The following ADGRG1 variants were observed in gnomAD, a reference collection of about 807,000 sequenced individuals.
ADGRG1 encodes adhesion G protein-coupled receptor G1.
Under a neutral mutation model 73.5 loss-of-function variants are expected in ADGRG1, and 53 were observed. The ratio of observed to expected loss-of-function variants is 0.72; its 90% CI spans 0.58 to 0.91. ADGRG1 has a LOEUF of 0.91. Ranked by LOEUF, ADGRG1 falls within the 40% of genes least tolerant of loss-of-function variation. ADGRG1 has a pLI of 0.00. For missense variants in ADGRG1, 795 were observed against 871.8 expected, an observed-to-expected ratio of 0.91 and a Z score of 1.11; for synonymous variants, 394 against 374.4, an observed-to-expected ratio of 1.05 and a Z score of -0.60.
chr16:57,661,590 C>A, intron 12 of ADGRG1, 107 bp from the exon 13 acceptor site: 1 of 1,525,000 alleles, frequency 6.6e-7, no homozygotes, highest in South Asian at 1.2e-5. Flanking sequence ...AAAACAAGCG[C>A]ACTTGCTGTA....
At chr16:57,645,927 G>T (rs1339803858) in intron 1 of ADGRG1, 5 of 152,240 alleles carry the variant, frequency 3.3e-5, no homozygotes, top group African/African-American at 1.2e-4. Flanking sequence ...GTCTTAGCTC[G>T]TCTCAAAGAT....
intron 13 of ADGRG1, among the ~76,000 whole-genome samples, chr16:57,662,701 G>A (rs769594759): frequency 5.3e-5 from 8 of 152,242 alleles, no homozygotes; most frequent in African/African-American, 9.6e-5. Context: ...GGGTCGGGGC[G>A]GAGAGGTGGG....
chr16:57,635,925 T>C lies in ADGRG1; in HGVS notation c.-36+7123T>C, dbSNP rs577650532. The C allele has an allele frequency of 6.1e-6, 6 of 985,258 alleles. No homozygotes were observed. In the East Asian group the frequency reaches 6.8e-4, roughly 112 times the overall value. The allele number at this position is 985,258 out of a possible 1,614,324, so 61.0% of individuals were successfully genotyped here. A position where few individuals can be genotyped will look rare whatever the true frequency, so the allele number is the denominator to read the frequency against. ...GGAAGCATGGGAGGCCAAGTGCATATCCTATGGTTTGCACTTGTACGTGGC... is the reference window on the plus strand; with the variant it reads ...GGAAGCATGGGAGGCCAAGTGCATACCCTATGGTTTGCACTTGTACGTGGC... On this transcript the variant is annotated intron_variant, in intron 1 of 13. Coordinates refer to ENST00000562631, the MANE Select transcript of ADGRG1 (RefSeq NM_201525.4).
intron 1 of ADGRG1, chr16:57,644,236 ACT>A: frequency 1.0e-6 from 1 of 966,208 alleles, no homozygotes; most frequent in Non-Finnish European, 1.2e-6. Flanking sequence ...ATGCACACAC[ACT>A]CATGCACACA....
rs1169274054 is a variant in ADGRG1, at chr16:57,654,182, A to T, written c.768+49A>T. 1.9e-6 allele frequency: 3 copies of T among 1,580,384 alleles called. No individual in the cohort carries two copies. In the African/African-American group the frequency reaches 4.0e-5, roughly 21 times the overall value. ...AGCAGATGCGGGTTGGGCCGGGGCC[A>T]GATGGAGGTGGGGGCTGTGAGCACT... On this transcript the variant is annotated intron_variant, in intron 5 of 13. Transcript: ENST00000562631.
intron 5 of ADGRG1, 75 bp downstream of exon 5, chr16:57,654,208 C>G: frequency 2.1e-6 from 3 of 1,453,414 alleles, no homozygotes; most frequent in Non-Finnish European, 2.8e-6. Context: ...TGTGAGCACT[C>G]CCTGAAGCTC....
intron 3 of ADGRG1, 80 bp from the exon 4 acceptor site, chr16:57,653,123 A>G (rs1298970485): frequency 3.1e-6 from 5 of 1,596,706 alleles, no homozygotes; most frequent in Non-Finnish European, 4.2e-6. Context: ...GAGTCATGTC[A>G]GGGTGGTAGG....
chr16:57,663,733 G>T lies in ADGRG1; in HGVS notation c.*151G>T, dbSNP rs527836384. 4 of 845,308 alleles carry T rather than the reference G, an allele frequency of 4.7e-6. No homozygotes were observed. In the African/African-American group the frequency reaches 6.7e-5, roughly 14 times the overall value. 52.4% of individuals were successfully genotyped at this position (845,308 alleles called of 1,614,324 possible). On this transcript the variant is annotated 3_prime_UTR_variant, in exon 14 of 14. Coordinates refer to ENST00000562631, the MANE Select transcript of ADGRG1 (RefSeq NM_201525.4). ...GGAGAGATGGGCCGTTGCCATGGTG[G>T]ACGGACTCCCGGGCTGGGCTTTTGA...
intron 5 of ADGRG1, among the ~76,000 whole-genome samples, chr16:57,654,415 C>CG (rs376232633): frequency 1.5e-5 from 2 of 136,980 alleles, no homozygotes; most frequent in Middle Eastern, 3.7e-3. Context: ...ACGCACCCCC[C>CG]CCCCCCGTTT....
In ADGRG1 at chr16:57,632,581, C is replaced by T. The variant is rs749569838; in HGVS notation, c.-36+3779C>T. On this transcript the variant is annotated intron_variant, in intron 1 of 13. Coordinates refer to ENST00000562631, the MANE Select transcript of ADGRG1 (RefSeq NM_201525.4). ...AACTGTGAGCACTTCTCCCTGCCCC[C>T]GCTACTGCTGGGAGAGCTGCGGCCA... Among the ~76,000 whole-genome samples the T allele has an allele frequency of 4.4e-4, 67 of 152,342 alleles. 1 individual carries two copies. The highest frequency in any genetic ancestry group is 3.4e-3 in the Middle Eastern group (1 of 294).
At chr16:57,628,269 G>T (rs1199235517), upstream of ADGRG1, 7 of 819,726 alleles carry the variant, frequency 8.5e-6, no homozygotes, top group East Asian at 1.2e-4. Flanking sequence ...GCATCCAAGG[G>T]CCCTGTTGCC....
At chr16:57,626,312 C>T (rs1109837), upstream of ADGRG1, among the ~76,000 whole-genome samples, 1,128 of 152,320 alleles carry the variant, frequency 7.4e-3, 12 homozygotes, top group African/African-American at 0.026. Flanking sequence ...CCAGACATAG[C>T]AGGTGATTAT....
intron 13 of ADGRG1, 89 bp downstream of exon 13, chr16:57,662,054 T>C (rs755497781): frequency 1.9e-6 from 2 of 1,054,694 alleles, no homozygotes; most frequent in Non-Finnish European, 3.0e-6. Context: ...ACCTGAAGAC[T>C]TCCCTTCTCT....
Position 57,651,217 on chromosome 16 carries a change from C to T in ADGRG1, c.82C>T (p.His28Tyr), listed in dbSNP as rs1375167183. 1 of 1,614,164 alleles carries T rather than the reference C, an allele frequency of 6.2e-7. No individual in the cohort carries two copies. Among genetic ancestry groups the T allele is most frequent in the South Asian group, 1.1e-5 (1 of 91,082 alleles). ...FLVQGAHGRG[H>Y]REDFRFCSQR... ...CTCCTCAGGTGCCCACGGCAGGGGCCACAGGGAAGACTTTCGCTTCTGCAG... is the reference window on the plus strand; with the variant it reads ...CTCCTCAGGTGCCCACGGCAGGGGCTACAGGGAAGACTTTCGCTTCTGCAG... The change falls in exon 3 of 14, where the codon CAC becomes TAC. Residue 28 changes from histidine to tyrosine, a missense_variant. His to Tyr is a moderately conservative substitution (Grantham distance 83). Transcript: ENST00000562631.
chr16:57,645,235 TG>T lies in ADGRG1; in HGVS notation c.-35-5011del, dbSNP rs764287145. On this transcript the variant is annotated intron_variant, in intron 1 of 13. Coordinates refer to ENST00000562631, the MANE Select transcript of ADGRG1 (RefSeq NM_201525.4). ...GGAGCTAGGGCAGTGGAAGTTGAGCTGGGGGGGTCTTCCCCTCTGCCTCTCC... is the reference window on the plus strand; with the variant it reads ...GGAGCTAGGGCAGTGGAAGTTGAGCTGGGGGGTCTTCCCCTCTGCCTCTCC... 15 of 985,232 alleles carry T rather than the reference TG, an allele frequency of 1.5e-5. 1 individual carries two copies. In the Admixed American group the frequency reaches 1.8e-4, roughly 12 times the overall value. The allele number at this position is 985,232 out of a possible 1,614,324, so 61.0% of individuals were successfully genotyped here.
intron 9 of ADGRG1, among the ~76,000 whole-genome samples, chr16:57,656,838 C>T (rs2045856472): frequency 6.6e-6 from 1 of 152,202 alleles, no homozygotes; most frequent in Non-Finnish European, 1.5e-5. Context: ...TTGTAGAGCC[C>T]CTGCTCTTTA....
chr16:57,651,334 G>A lies in ADGRG1; in HGVS notation c.199G>A (p.Val67Ile), dbSNP rs1161175360. 6.2e-7 allele frequency: 1 copy of A among 1,614,002 alleles called. No homozygotes were observed. Residue 67 changes from valine to isoleucine, a missense_variant, in exon 3 of 14, where the codon GTC (valine) becomes ATC (isoleucine). Transcript: ENST00000562631. ...SIENSEEALT[V>I]HAPFPAAHPA... is the part of the protein sequence containing the mutation. ...CGAGAACTCCGAAGAGGCCCTCACA[G>A]TCCATGCCCCTTTCCCTGCAGCCCA... is the stretch of plus-strand genomic sequence containing the variant.
chr16:57,654,413 C>CT (rs1329725054), intron 5 of ADGRG1, among the ~76,000 whole-genome samples: 8 of 70,014 alleles, frequency 1.1e-4, no homozygotes, highest in Non-Finnish European at 2.2e-4. Context: ...CCACGCACCC[C>CT]CCCCCCCCGT....
At chr16:57,647,061 C>CTGGG (rs1448755963) in intron 1 of ADGRG1, 1 of 308,526 alleles carries the variant, frequency 3.2e-6, no homozygotes, top group Non-Finnish European at 3.6e-6. Flanking sequence ...TCCCTGGCGC[C>CTGGG]TGGGTGGGTG....
Sources: allele counts gnomAD v4.1 joint callset (sites outside exome capture counted in the v4.1 genomes callset), GRCh38; gene constraint gnomAD v4.1.1; transcripts MANE v1.5; gene names NCBI Gene and HGNC (gene_info 2026-07-23, HGNC 2026-07-21).